Variants in FKBP9 observed in about 807,000 individuals in gnomAD.
The protein encoded by FKBP9 is FKBP prolyl isomerase 9.
FKBP9 carries 27 observed loss-of-function variants against 55.6 expected under a neutral mutation model. The ratio of observed to expected loss-of-function variants is 0.49; its 90% CI spans 0.36 to 0.67. The LOEUF is 0.67. FKBP9 is among the 30% of genes least tolerant of loss of function. The pLI, the probability that FKBP9 is intolerant of heterozygous loss-of-function variation, is 0.00. For synonymous variants in FKBP9, 267 were observed against 296.5 expected, an observed-to-expected ratio of 0.90 and a Z score of 1.02; for missense variants, 539 against 742.8, an observed-to-expected ratio of 0.73 and a Z score of 3.19.
intron 5 of FKBP9, among the ~76,000 whole-genome samples, chr7:32,982,026 T>C (rs1323327955): frequency 2.0e-5 from 3 of 150,648 alleles, no homozygotes; most frequent in Non-Finnish European, 4.4e-5. Flanking sequence ...TGTCTGGATT[T>C]TTTTTTTTTT....
chr7:32,978,371 GTTA>G (rs920565962), intron 4 of FKBP9, among the ~76,000 whole-genome samples: 1 of 151,978 alleles, frequency 6.6e-6, no homozygotes, highest in Non-Finnish European at 1.5e-5. Flanking sequence ...ATAAGATACT[GTTA>G]TTATTATTTT....
chr7:32,980,584 A>G, intron 5 of FKBP9, 31 bp downstream of exon 5: 1 of 1,609,190 alleles, frequency 6.2e-7, no homozygotes, highest in South Asian at 1.1e-5. Flanking sequence ...TTCAATTGCC[A>G]GAACATTGTA....
chr7:32,964,221 T>C (rs559026749), intron 1 of FKBP9, among the ~76,000 whole-genome samples: 3 of 152,350 alleles, frequency 2.0e-5, no homozygotes, highest in South Asian at 2.1e-4. Flanking sequence ...CCTGAGGCCA[T>C]TGGCAGCTGG....
intron 5 of FKBP9, among the ~76,000 whole-genome samples, chr7:32,985,731 A>C (rs1784562598): frequency 6.6e-6 from 1 of 152,112 alleles, no homozygotes; most frequent in Non-Finnish European, 1.5e-5. Flanking sequence ...GATGGCTTAC[A>C]CCTGTAATCC....
intron 4 of FKBP9, 83 bp downstream of exon 4, chr7:32,976,582 C>G: frequency 6.6e-7 from 1 of 1,519,244 alleles, no homozygotes; most frequent in South Asian, 1.3e-5. Context: ...CCACATGAAA[C>G]CCACTAGACC....
intron 4 of FKBP9, chr7:32,979,451 G>C: frequency 1.4e-6 from 2 of 1,425,064 alleles, no homozygotes; most frequent in East Asian, 2.5e-5. Flanking sequence ...GCTTTCAGCA[G>C]ATTTCATCAT....
At chr7:32,958,132 G>T (rs1431641659) in intron 1 of FKBP9, among the ~76,000 whole-genome samples, 1 of 152,186 alleles carries the variant, frequency 6.6e-6, no homozygotes, top group African/African-American at 2.4e-5. Flanking sequence ...TGCACAACTG[G>T]ACCCCCAAGA....
rs1162336013 is a variant in FKBP9, at chr7:33,005,545, T to G, written c.*194T>G. 1 of 598,952 alleles carries G rather than the reference T, an allele frequency of 1.7e-6. No homozygotes were observed. Among genetic ancestry groups the G allele is most frequent in the African/African-American group, 1.9e-5 (1 of 53,718 alleles). 37.1% of individuals were successfully genotyped at this position (598,952 alleles called of 1,614,324 possible). A position where few individuals can be genotyped will look rare whatever the true frequency, so the allele number is the denominator to read the frequency against. ...AGAAGTTTGGGCTGATCGCCAGTGA[T>G]AGTAAACAAAATCTGTGCAGAGGGC... is the stretch of plus-strand genomic sequence containing the variant. On this transcript the variant is annotated 3_prime_UTR_variant, in exon 10 of 10. Coordinates refer to ENST00000242209, the MANE Select transcript of FKBP9 (RefSeq NM_007270.5).
Position 32,965,880 on chromosome 7 carries a change from T to TAGAG in FKBP9, c.221+8087_221+8088insGAGA, listed in dbSNP as rs1323513542. ...ATATATATATATACATACATATATA[T>TAGAG]ATATAGAGAGAGAGAGAGAGAGCCA... On this transcript the variant is annotated intron_variant, in intron 1 of 9. Coordinates refer to ENST00000242209, the MANE Select transcript of FKBP9 (RefSeq NM_007270.5). Among the ~76,000 whole-genome samples the TAGAG allele has an allele frequency of 5.8e-3, 599 of 103,040 alleles. 10 individuals are homozygous for TAGAG. Among genetic ancestry groups the TAGAG allele is most frequent in the African/African-American group, 0.024 (533 of 22,374 alleles). 67.6% of individuals were successfully genotyped at this position (103,040 alleles called of 152,430 possible). A position where few individuals can be genotyped will look rare whatever the true frequency, so the allele number is the denominator to read the frequency against.
chr7:32,965,825 A>ATC (rs1784128258), intron 1 of FKBP9, among the ~76,000 whole-genome samples: 1 of 18,512 alleles, frequency 5.4e-5, no homozygotes, highest in Non-Finnish European at 1.3e-4. Flanking sequence ...ATATATATAT[A>ATC]TATATATATA....
intron 7 of FKBP9, among the ~76,000 whole-genome samples, chr7:32,996,863 T>C (rs35989698): frequency 0.54 from 74,614 of 138,744 alleles, 20,832 homozygotes; most frequent in African/African-American, 0.66. Flanking sequence ...GGCGCAATCT[T>C]GGCTCACTGC....
Position 32,965,832 on chromosome 7 carries a change from T to TGTGTACAC in FKBP9, c.221+8038_221+8039insGTGTACAC, listed in dbSNP as rs1385564231. 2.5e-3 allele frequency among the ~76,000 whole-genome samples: 109 copies of TGTGTACAC among 43,472 alleles called. 3 individuals are homozygous for TGTGTACAC. Among genetic ancestry groups the TGTGTACAC allele is most frequent in the Middle Eastern group, 0.016 (1 of 64 alleles). The allele number at this position is 43,472 out of a possible 152,430, so 28.5% of individuals were successfully genotyped here. ...AAAAAAATATATATATATATATATA[T>TGTGTACAC]ATATATATATATGTGTGTACAGATA... is the stretch of plus-strand genomic sequence containing the variant. On this transcript the variant is annotated intron_variant, in intron 1 of 9. Transcript: ENST00000242209.
chr7:32,988,455 T>C (rs370818908), intron 5 of FKBP9, 52 bp from the exon 6 acceptor site: 3 of 1,597,300 alleles, frequency 1.9e-6, no homozygotes, highest in Non-Finnish European at 1.7e-6. Flanking sequence ...TTTGCACAGC[T>C]GCTGTGGAGG....
chr7:32,995,365 G>A (rs1442524291), intron 6 of FKBP9, among the ~76,000 whole-genome samples: 1 of 152,070 alleles, frequency 6.6e-6, no homozygotes, highest in Non-Finnish European at 1.5e-5. Flanking sequence ...TCTCTGAAAT[G>A]ATTTGGGCTG....
intron 9 of FKBP9, among the ~76,000 whole-genome samples, chr7:33,003,356 C>T (rs369011003): frequency 6.6e-6 from 1 of 152,208 alleles, no homozygotes; most frequent in African/African-American, 2.4e-5. Context: ...CATCCTCCAG[C>T]CTTTTCCTCT....
chr7:32,962,989 A>G (rs1038201972), intron 1 of FKBP9, among the ~76,000 whole-genome samples: 3 of 152,144 alleles, frequency 2.0e-5, no homozygotes, highest in African/African-American at 7.2e-5. Context: ...GCCTCACACA[A>G]AGCAGCCAGC....
intron 9 of FKBP9, among the ~76,000 whole-genome samples, chr7:33,003,635 C>T (rs1784973607): frequency 6.6e-6 from 1 of 152,170 alleles, no homozygotes; most frequent in Non-Finnish European, 1.5e-5. Context: ...ATCCAGTGGT[C>T]AGCTCTTACG....
chr7:32,992,377 C>T (rs1784703587), intron 6 of FKBP9, among the ~76,000 whole-genome samples: 2 of 152,076 alleles, frequency 1.3e-5, no homozygotes, highest in African/African-American at 4.8e-5. Context: ...AACCCACCAC[C>T]AGCAGAGGAA....
rs183232170 is a variant in FKBP9, at chr7:32,962,510, G to A, written c.221+4716G>A. 8.7e-3 allele frequency among the ~76,000 whole-genome samples: 1,325 copies of A among 152,048 alleles called. 8 individuals carry two copies. Among genetic ancestry groups the A allele is most frequent in the South Asian group, 0.02 (94 of 4,818 alleles). On this transcript the variant is annotated intron_variant, in intron 1 of 9. Transcript: ENST00000242209. ...TTTTTTTGAGACAGCGTCTCACTTT[G>A]TTGCCCAGGCTGGTGTGCAGTGATG... is the stretch of plus-strand genomic sequence containing the variant.
Sources: allele counts gnomAD v4.1 joint callset (sites outside exome capture counted in the v4.1 genomes callset), GRCh38; gene constraint gnomAD v4.1.1; transcripts MANE v1.5; gene names NCBI Gene and HGNC (gene_info 2026-07-23, HGNC 2026-07-21).